The following GABRG3 variants were observed in gnomAD, a reference collection of about 807,000 sequenced individuals.
GABRG3 encodes gamma-aminobutyric acid type A receptor subunit gamma3.
Under a neutral mutation model 48.8 loss-of-function variants are expected in GABRG3, and 25 were observed. The ratio of observed to expected loss-of-function variants is 0.51; its 90% confidence interval spans 0.37 to 0.72. GABRG3 has a LOEUF of 0.72. GABRG3 is among the 30% of genes least tolerant of loss of function. The pLI, the probability that GABRG3 is intolerant of heterozygous loss-of-function variation, is 0.00. For synonymous variants in GABRG3, 227 were observed against 217.6 expected (o/e 1.04, Z -0.38); for missense variants, 394 against 577.9 (o/e 0.68, Z 3.26).
Position 26,974,443 on chromosome 15 carries a change from C to G in GABRG3, c.54-2559C>G, listed in dbSNP as rs1227178609. ...GCTCGGTTTGTGTGTATGTGATTAT[C>G]AGGGCCATAGACAATAACACAGGGT... On this transcript the variant is annotated intron_variant, in intron 1 of 9. Transcript: ENST00000615808. The surrounding 1 kb of genome is among the most constrained non-coding windows in gnomAD (Gnocchi z 4.3). Among the ~76,000 whole-genome samples the G allele has an allele frequency of 1.3e-5, 2 of 151,904 alleles. No individual in the cohort carries two copies. Among genetic ancestry groups the G allele is most frequent in the Non-Finnish European group, 1.5e-5 (1 of 68,008 alleles).
intron 5 of GABRG3, among the ~76,000 whole-genome samples, chr15:27,470,108 A>G (rs1889739283): frequency 6.6e-6 from 1 of 152,232 alleles, no homozygotes; most frequent in African/African-American, 2.4e-5. Context: ...CAGGAAAGAC[A>G]GGGAAAATGC....
At chr15:27,431,464 TATAA>T (rs1238466713) in intron 5 of GABRG3, among the ~76,000 whole-genome samples, 1 of 152,222 alleles carries the variant, frequency 6.6e-6, no homozygotes, top group African/African-American at 2.4e-5. Context: ...TCATGCTCTC[TATAA>T]ATAGAGATTG....
intron 3 of GABRG3, among the ~76,000 whole-genome samples, chr15:27,289,053 C>T (rs1402728045): frequency 6.6e-6 from 1 of 152,180 alleles, no homozygotes; most frequent in Non-Finnish European, 1.5e-5. Context: ...CATTACTCCT[C>T]TGTATATATA....
intron 3 of GABRG3, among the ~76,000 whole-genome samples, chr15:27,083,972 A>C (rs1897033913): frequency 6.6e-6 from 1 of 152,166 alleles, no homozygotes; most frequent in African/African-American, 2.4e-5. Context: ...TCACCACATC[A>C]TCCACAGCAA....
At chr15:27,357,585 C>T (rs1258333712) in intron 5 of GABRG3, among the ~76,000 whole-genome samples, 1 of 152,084 alleles carries the variant, frequency 6.6e-6, no homozygotes, top group Non-Finnish European at 1.5e-5. Context: ...ATTATACCAC[C>T]CAAAAAGAAA....
intron 3 of GABRG3, among the ~76,000 whole-genome samples, chr15:27,151,769 G>A (rs917449730): frequency 2.6e-5 from 4 of 152,156 alleles, no homozygotes; most frequent in Admixed American, 2.0e-4. Flanking sequence ...GGAGGCCTCT[G>A]AAACCAGAAA....
intron 3 of GABRG3, among the ~76,000 whole-genome samples, chr15:27,171,993 G>A (rs1042727748): frequency 1.1e-4 from 15 of 142,432 alleles, no homozygotes; most frequent in Middle Eastern, 3.5e-3. Flanking sequence ...GAATAAGCAC[G>A]AAAGACAGAA....
At chr15:27,307,855 A>T (rs1442803231) in intron 3 of GABRG3, among the ~76,000 whole-genome samples, 1 of 129,882 alleles carries the variant, frequency 7.7e-6, no homozygotes, top group Non-Finnish European at 1.5e-5. Flanking sequence ...ACATGTTTAT[A>T]TATAAATATA....
At chr15:27,174,029 C>G (rs1267094199) in intron 3 of GABRG3, among the ~76,000 whole-genome samples, 1 of 152,074 alleles carries the variant, frequency 6.6e-6, no homozygotes, top group Non-Finnish European at 1.5e-5. Flanking sequence ...TATTTTAATG[C>G]AAACCCAGGC....
chr15:27,283,221 T>C (rs1015368694), intron 3 of GABRG3, among the ~76,000 whole-genome samples: 3 of 152,170 alleles, frequency 2.0e-5, no homozygotes, highest in Non-Finnish European at 2.9e-5. Context: ...TGGGGCACTT[T>C]GTCACTGCCA....
chr15:27,393,513 T>C (rs138553620), intron 5 of GABRG3, among the ~76,000 whole-genome samples: 1,569 of 152,258 alleles, frequency 0.01, 19 homozygotes, highest in African/African-American at 0.034. Context: ...TAAACATATC[T>C]ATAAATATTT....
chr15:27,366,381 A>G (rs1161344532), intron 5 of GABRG3: 2 of 152,164 alleles, frequency 1.3e-5, no homozygotes, highest in African/African-American at 4.8e-5. Context: ...GAAAATAATA[A>G]AAGGAAAAGG....
chr15:27,450,406 A>G (rs914469545), intron 5 of GABRG3, among the ~76,000 whole-genome samples: 3 of 152,238 alleles, frequency 2.0e-5, no homozygotes, highest in African/African-American at 7.2e-5. Flanking sequence ...AGGATGGTTC[A>G]GTACATGCAA....
intron 3 of GABRG3, among the ~76,000 whole-genome samples, chr15:27,063,056 GT>G (rs934483598): frequency 1.3e-5 from 2 of 152,138 alleles, no homozygotes; most frequent in Non-Finnish European, 2.9e-5. Context: ...CGCGTGATGC[GT>G]TTTCCCCCCC....
chr15:27,426,474 G>A (rs1212711596), intron 5 of GABRG3, among the ~76,000 whole-genome samples: 1 of 152,138 alleles, frequency 6.6e-6, no homozygotes, highest in Non-Finnish European at 1.5e-5. Context: ...AAGCCATGAG[G>A]TACGAAACAC....
intron 3 of GABRG3, among the ~76,000 whole-genome samples, chr15:27,189,143 G>T (rs1888206386): frequency 1.3e-5 from 2 of 151,770 alleles, no homozygotes; most frequent in African/African-American, 4.8e-5. Context: ...TTGTAGTATA[G>T]TTTGAAGTCA....
At chr15:27,355,094 C>T (rs987987594) in intron 5 of GABRG3, among the ~76,000 whole-genome samples, 4 of 152,140 alleles carry the variant, frequency 2.6e-5, no homozygotes, top group Non-Finnish European at 5.9e-5. Context: ...CAGCTAAAGG[C>T]CTGTCTCAGC....
intron 2 of GABRG3, among the ~76,000 whole-genome samples, chr15:26,996,640 ATTTATTTAT>A (rs1196917410): frequency 7.0e-6 from 1 of 142,662 alleles, no homozygotes; most frequent in African/African-American, 2.5e-5. Flanking sequence ...TTATTTATTT[ATTTATTTAT>A]TTTATTTTAA....
intron 3 of GABRG3, among the ~76,000 whole-genome samples, chr15:27,064,892 A>G (rs1377698959): frequency 6.6e-6 from 1 of 152,208 alleles, no homozygotes; most frequent in Non-Finnish European, 1.5e-5. Context: ...CTTCATGACC[A>G]TCTAAACATC....
Sources: allele counts gnomAD v4.1 joint callset (sites outside exome capture counted in the v4.1 genomes callset), GRCh38; gene constraint gnomAD v4.1.1; non-coding constraint Gnocchi (gnomAD v3.1); transcripts MANE v1.5; gene names NCBI Gene and HGNC (gene_info 2026-07-23, HGNC 2026-07-21).